LINGO2: variants seen among roughly 807,000 people sequenced by gnomAD.
LINGO2 encodes the protein leucine-rich repeat and immunoglobulin-like domain-containing nogo receptor-interacting protein 2.
Under a neutral mutation model 30.6 loss-of-function variants are expected in LINGO2, and 14 were observed. The observed-to-expected ratio is 0.46, with a 90% CI of 0.30 to 0.72. The LOEUF (loss-of-function observed/expected upper bound fraction) is 0.72. Among genes scored for constraint, LINGO2 ranks in the 30% least tolerant of loss-of-function variants. The pLI is 0.07. For missense variants in LINGO2, 729 were observed against 751.7 expected (o/e 0.97, Z 0.35); for synonymous variants, 317 against 288.5 (o/e 1.10, Z -1.00).
At chr9:28,478,471 T>C (rs1415119409) in intron 1 of LINGO2, among the ~76,000 whole-genome samples, 2 of 152,082 alleles carry the variant, frequency 1.3e-5, no homozygotes, top group African/African-American at 2.4e-5. Flanking sequence ...AGAATCTGTA[T>C]CCATCACATA....
chr9:29,057,041 G>C, the LINGO2 span, among the ~76,000 whole-genome samples: 1 of 151,882 alleles, frequency 6.6e-6, no homozygotes, highest in Non-Finnish European at 1.5e-5. Context: ...TGTTCTATTT[G>C]TTTAGTCTTG....
chr9:28,552,911 T>G (rs1473479066), intron 1 of LINGO2, among the ~76,000 whole-genome samples: 6 of 151,986 alleles, frequency 3.9e-5, no homozygotes, highest in Admixed American at 3.9e-4. Context: ...TGTGTTCTTG[T>G]TTTCGAGATG....
the LINGO2 span, among the ~76,000 whole-genome samples, chr9:28,909,188 T>C: frequency 1.3e-5 from 2 of 151,948 alleles, no homozygotes; most frequent in Admixed American, 6.6e-5. Context: ...TATGTAGTAA[T>C]CTTTTCACAG....
chr9:28,636,560 T>A (rs1482556598), intron 1 of LINGO2, among the ~76,000 whole-genome samples: 1 of 152,198 alleles, frequency 6.6e-6, no homozygotes, highest in Non-Finnish European at 1.5e-5. Context: ...TGATTTGCAT[T>A]TCTCTGATGG....
chr9:28,628,459 G>A (rs1826786670), intron 1 of LINGO2, among the ~76,000 whole-genome samples: 1 of 152,000 alleles, frequency 6.6e-6, no homozygotes, highest in Non-Finnish European at 1.5e-5. Flanking sequence ...CACTATGCCG[G>A]GTGCGTATAG....
At chr9:28,066,738 AC>A (rs1211321929) in intron 4 of LINGO2, among the ~76,000 whole-genome samples, 1 of 151,988 alleles carries the variant, frequency 6.6e-6, no homozygotes, top group East Asian at 1.9e-4. Flanking sequence ...TCTTTAAGAA[AC>A]CCTTCTGGTC....
the LINGO2 span, among the ~76,000 whole-genome samples, chr9:28,904,115 ATCATC>A: frequency 1.3e-5 from 2 of 151,960 alleles, no homozygotes; most frequent in African/African-American, 4.8e-5. Flanking sequence ...AAACAATACA[ATCATC>A]TCAATCAATA....
intron 3 of LINGO2, among the ~76,000 whole-genome samples, chr9:28,351,109 C>T (rs966766693): frequency 6.6e-6 from 1 of 151,456 alleles, no homozygotes; most frequent in African/African-American, 2.4e-5. Context: ...CAAGAGCAAA[C>T]ACATTCAAAA....
intron 4 of LINGO2, among the ~76,000 whole-genome samples, chr9:28,100,641 G>A (rs978718805): frequency 1.3e-5 from 2 of 152,162 alleles, no homozygotes; most frequent in Non-Finnish European, 2.9e-5. Flanking sequence ...GGCCATTAAT[G>A]TTTCCTTGCT....
intron 4 of LINGO2, among the ~76,000 whole-genome samples, chr9:28,073,325 C>A (rs1246574636): frequency 1.3e-5 from 2 of 152,172 alleles, no homozygotes; most frequent in African/African-American, 4.8e-5. Context: ...AACTAGCCTA[C>A]ACCAGTTTCC....
the LINGO2 span, among the ~76,000 whole-genome samples, chr9:29,032,345 G>A: frequency 2.0e-5 from 3 of 152,048 alleles, no homozygotes; most frequent in African/African-American, 7.2e-5. Flanking sequence ...ACCTTTCTGA[G>A]ACACAACTCC....
chr9:28,475,187 G>T (rs961248244), intron 2 of LINGO2, among the ~76,000 whole-genome samples: 2 of 152,100 alleles, frequency 1.3e-5, no homozygotes, highest in African/African-American at 2.4e-5. Context: ...ACACAATTAC[G>T]TATTCATAAG....
chr9:28,441,150 G>A (rs929837925), intron 2 of LINGO2, among the ~76,000 whole-genome samples: 1 of 150,074 alleles, frequency 6.7e-6, no homozygotes, highest in Non-Finnish European at 1.5e-5. Flanking sequence ...ACCAGTTGCT[G>A]AGGCACCTTG....
chr9:28,826,444 G>A, the LINGO2 span, among the ~76,000 whole-genome samples: 2 of 152,108 alleles, frequency 1.3e-5, no homozygotes, highest in Admixed American at 6.6e-5. Flanking sequence ...CTGTACTTCT[G>A]CTGGGAGTTG....
chr9:29,206,954 A>C, the LINGO2 span, among the ~76,000 whole-genome samples: 1 of 152,064 alleles, frequency 6.6e-6, no homozygotes, highest in Non-Finnish European at 1.5e-5. Context: ...CATAATCATA[A>C]GCTTAACCAG....
intron 4 of LINGO2, among the ~76,000 whole-genome samples, chr9:28,022,083 A>T (rs1209576253): frequency 6.6e-6 from 1 of 151,838 alleles, no homozygotes; most frequent in Non-Finnish European, 1.5e-5. Context: ...TATTTATATG[A>T]TTCAATTTTA....
intron 1 of LINGO2, among the ~76,000 whole-genome samples, chr9:28,514,297 C>T (rs1820532355): frequency 6.6e-6 from 1 of 152,090 alleles, no homozygotes; most frequent in African/African-American, 2.4e-5. Context: ...AGTAGCCCAT[C>T]TCTTATTTTA....
At chr9:29,079,652 C>CT in the LINGO2 span, among the ~76,000 whole-genome samples, 1 of 151,840 alleles carries the variant, frequency 6.6e-6, no homozygotes, top group African/African-American at 2.4e-5. Context: ...TTGCCTTTAT[C>CT]TTACTCTTAA....
At chr9:28,813,321 A>G in the LINGO2 span, among the ~76,000 whole-genome samples, 1 of 152,180 alleles carries the variant, frequency 6.6e-6, no homozygotes, top group Admixed American at 6.5e-5. Flanking sequence ...CTTAACGTTT[A>G]ATTCATAAAT....
Sources: gnomAD v4.1 joint callset for allele counts (sites outside exome capture counted in the v4.1 genomes callset) on GRCh38, gnomAD v4.1.1 for gene constraint, MANE v1.5 for transcripts, NCBI Gene and HGNC (gene_info 2026-07-23, HGNC 2026-07-21) for gene names.